The following FAM120A variants were observed in gnomAD, a reference collection of about 807,000 sequenced individuals.
The protein encoded by FAM120A is constitutive coactivator of PPAR-gamma-like protein 1.
In FAM120A, 15 loss-of-function variants were observed where a neutral mutation model predicts 109.7. That is an observed-to-expected ratio of 0.14 (90% CI 0.09 to 0.21). The LOEUF (loss-of-function observed/expected upper bound fraction) is 0.21. FAM120A is among the 10% of genes least tolerant of loss of function. The probability of loss-of-function intolerance (pLI) is 1.00; values close to 1 mark genes in which losing one functional copy is unlikely to be tolerated. For missense variants in FAM120A, 899 were observed against 1,439.3 expected (o/e 0.62, Z 6.07); for synonymous variants, 493 against 572.8 (o/e 0.86, Z 1.99).
At chr9:93,506,129 T>G (rs928314575) in intron 5 of FAM120A, among the ~76,000 whole-genome samples, 1 of 152,244 alleles carries the variant, frequency 6.6e-6, no homozygotes, top group African/African-American at 2.4e-5. Context: ...AATCTGCCCA[T>G]GTAATATTTC....
chr9:93,534,014 G>A (rs1861428616), intron 10 of FAM120A, among the ~76,000 whole-genome samples: 1 of 152,062 alleles, frequency 6.6e-6, no homozygotes, highest in Admixed American at 6.5e-5. Flanking sequence ...CTCCAGTGTT[G>A]GGCCATTCGG....
intron 1 of FAM120A, among the ~76,000 whole-genome samples, chr9:93,458,903 C>G (rs992421841): frequency 7.9e-5 from 12 of 152,182 alleles, no homozygotes; most frequent in African/African-American, 2.7e-4. Context: ...GTAGACCTTC[C>G]TGCGACCTGA....
intron 3 of FAM120A, among the ~76,000 whole-genome samples, chr9:93,496,814 A>G (rs1406862023): frequency 6.6e-6 from 1 of 152,122 alleles, no homozygotes; most frequent in African/African-American, 2.4e-5. Flanking sequence ...TTCTTTTTCA[A>G]CCTGTTAACT....
chr9:93,458,061 C>T (rs1002245555), intron 1 of FAM120A, among the ~76,000 whole-genome samples: 6 of 152,146 alleles, frequency 3.9e-5, no homozygotes, highest in Non-Finnish European at 4.4e-5. Flanking sequence ...AAGGCACAGC[C>T]TCACTGTCCT....
rs533498715 is a variant in FAM120A at position 93,550,143 on chromosome 9, G to A, written c.2160-434G>A. ...CTCCATGGACCTGCAGCTGCAGAGT[G>A]GCCAGGCAATGGTCTTTGCTTTTCA... On this transcript the variant is annotated intron_variant, in intron 11 of 17. Transcript: ENST00000277165. 1.9e-4 allele frequency among the ~76,000 whole-genome samples: 29 copies of A among 152,292 alleles called. 1 individual carries two copies. In the South Asian group the frequency reaches 5.2e-3, roughly 27 times the overall value.
chr9:93,466,856 C>T (rs549680799), intron 1 of FAM120A, among the ~76,000 whole-genome samples: 80 of 152,148 alleles, frequency 5.3e-4, no homozygotes, highest in Non-Finnish European at 9.7e-4. Context: ...GGACCTGGCT[C>T]ATACGGCATT....
intron 7 of FAM120A, among the ~76,000 whole-genome samples, chr9:93,518,323 A>G (rs1860689635): frequency 6.6e-6 from 1 of 152,150 alleles, no homozygotes; most frequent in South Asian, 2.1e-4. Context: ...GATTTTCAGC[A>G]AGGGTTCTAG....
chr9:93,507,516 A>G (rs61684865), intron 5 of FAM120A, among the ~76,000 whole-genome samples: 2,202 of 152,260 alleles, frequency 0.014, 57 homozygotes, highest in African/African-American at 0.049. Flanking sequence ...AGCTGGAGTC[A>G]TGGGTTGCAG....
At chr9:93,506,723 G>A (rs1206950785) in intron 5 of FAM120A, among the ~76,000 whole-genome samples, 4 of 151,810 alleles carry the variant, frequency 2.6e-5, no homozygotes, top group Non-Finnish European at 4.4e-5. Flanking sequence ...TCAGCCTCCC[G>A]AGTAGCTGGG....
intron 5 of FAM120A, among the ~76,000 whole-genome samples, chr9:93,506,702 A>G (rs980794119): frequency 6.6e-6 from 1 of 151,922 alleles, no homozygotes; most frequent in African/African-American, 2.4e-5. Context: ...GGTTCAAGCA[A>G]TTCTCCTGCC....
intron 2 of FAM120A, among the ~76,000 whole-genome samples, chr9:93,474,312 C>G (rs537588337): frequency 1.3e-5 from 2 of 151,996 alleles, no homozygotes; most frequent in Non-Finnish European, 1.5e-5. Context: ...CTCAGCCTCC[C>G]GAGTAGCTGG....
At chr9:93,495,359 A>G (rs893325850) in intron 3 of FAM120A, among the ~76,000 whole-genome samples, 2 of 152,196 alleles carry the variant, frequency 1.3e-5, no homozygotes, top group African/African-American at 2.4e-5. Flanking sequence ...AACCTAATAC[A>G]CCGTTATAAC....
intron 11 of FAM120A, among the ~76,000 whole-genome samples, chr9:93,546,684 C>T (rs1283390372): frequency 6.6e-6 from 1 of 152,216 alleles, no homozygotes; most frequent in Non-Finnish European, 1.5e-5. Flanking sequence ...CCCAGAAACA[C>T]CTGAGCCATC....
intron 10 of FAM120A, among the ~76,000 whole-genome samples, chr9:93,534,078 C>CGT (rs1861431671): frequency 6.6e-6 from 1 of 152,164 alleles, no homozygotes; most frequent in South Asian, 2.1e-4. Context: ...GTCTTGACCT[C>CGT]GTGCCTGCTG....
intron 7 of FAM120A, among the ~76,000 whole-genome samples, chr9:93,521,764 T>C (rs1041466815): frequency 2.0e-5 from 3 of 152,238 alleles, no homozygotes; most frequent in Non-Finnish European, 4.4e-5. Flanking sequence ...GCCTGTCAGA[T>C]GTTTGTAATC....
chr9:93,453,544 C>A, intron 1 of FAM120A: 1 of 985,412 alleles, frequency 1.0e-6, no homozygotes, highest in Non-Finnish European at 1.2e-6. Flanking sequence ...TTCGCGGTTG[C>A]CCCCACTGCC....
At chr9:93,552,635 A>G (rs1862139766) in intron 12 of FAM120A, among the ~76,000 whole-genome samples, 2 of 152,238 alleles carry the variant, frequency 1.3e-5, no homozygotes, top group African/African-American at 2.4e-5. Context: ...GATAGGAATG[A>G]TCATTATTTA....
chr9:93,459,313 C>T (rs1857686820), intron 1 of FAM120A, among the ~76,000 whole-genome samples: 1 of 152,236 alleles, frequency 6.6e-6, no homozygotes, highest in Non-Finnish European at 1.5e-5. Context: ...TTAGCATAGG[C>T]ACTCAACTCT....
At chr9:93,501,955 A>G (rs1305526353) in intron 5 of FAM120A, among the ~76,000 whole-genome samples, 2 of 152,210 alleles carry the variant, frequency 1.3e-5, no homozygotes, top group Non-Finnish European at 2.9e-5. Flanking sequence ...CCTAAGTTGA[A>G]AGTCTAGAAG....
Sources: gnomAD v4.1 joint callset for allele counts (sites outside exome capture counted in the v4.1 genomes callset) on GRCh38, gnomAD v4.1.1 for gene constraint, MANE v1.5 for transcripts, NCBI Gene and HGNC (gene_info 2026-07-23, HGNC 2026-07-21) for gene names.